EIF2AK4: variants seen among roughly 807,000 people sequenced by gnomAD.
The protein encoded by EIF2AK4 is eukaryotic translation initiation factor 2 alpha kinase 4.
Under a neutral mutation model 211.1 loss-of-function variants are expected in EIF2AK4, and 139 were observed. The observed-to-expected ratio is 0.66, with a 90% CI of 0.57 to 0.76. EIF2AK4 has a LOEUF of 0.76. Ranked by LOEUF, EIF2AK4 falls within the 30% of genes least tolerant of loss-of-function variation. The pLI, the probability that EIF2AK4 is intolerant of heterozygous loss-of-function variation, is 0.00. For missense variants in EIF2AK4, 1,664 were observed against 2,043.8 expected, an observed-to-expected ratio of 0.81 and a Z score of 3.58; for synonymous variants, 710 against 751.3, an observed-to-expected ratio of 0.94 and a Z score of 0.90.
intron 22 of EIF2AK4, 132 bp from the exon 23 acceptor site, chr15:40,003,061 C>A (rs2035113774): frequency 7.4e-7 from 1 of 1,358,788 alleles, no homozygotes; most frequent in South Asian, 1.5e-5. Context: ...ATTTAGAGAA[C>A]TCAAGAAAAA....
intron 7 of EIF2AK4, among the ~76,000 whole-genome samples, chr15:39,964,394 C>T (rs1427855019): frequency 6.6e-6 from 1 of 152,122 alleles, no homozygotes; most frequent in Admixed American, 6.5e-5. Context: ...GGGTTATCAG[C>T]TGGGGGCCAT....
At chr15:40,023,889 C>T (rs1351139432) in intron 32 of EIF2AK4, among the ~76,000 whole-genome samples, 3 of 152,110 alleles carry the variant, frequency 2.0e-5, no homozygotes, top group Admixed American at 1.3e-4. Context: ...ACAAACTACA[C>T]CTTGGACCAA....
chr15:40,034,134 C>A (rs1013805553), intron 37 of EIF2AK4, among the ~76,000 whole-genome samples, 192 bp from the exon 38 acceptor site: 2 of 151,956 alleles, frequency 1.3e-5, no homozygotes, highest in Admixed American at 1.3e-4. Context: ...ATTAGGGAGT[C>A]TTGTTTTAAG....
At chr15:39,995,791 T>C (rs1396278266) in intron 18 of EIF2AK4, among the ~76,000 whole-genome samples, 1 of 152,232 alleles carries the variant, frequency 6.6e-6, no homozygotes, top group Non-Finnish European at 1.5e-5. Flanking sequence ...TATGTTTACA[T>C]TGTGAAATGA....
chr15:39,985,942 G>C (rs1440111837), intron 14 of EIF2AK4, 54 bp downstream of exon 14: 4 of 1,527,852 alleles, frequency 2.6e-6, no homozygotes, highest in Non-Finnish European at 3.6e-6. Flanking sequence ...AGTGGCGGGT[G>C]GGCCTGTTTC....
rs1460409412 is a variant in EIF2AK4 at position 40,003,314 on chromosome 15, G to C, written c.3357G>C (p.Arg1119=). 6.2e-7 allele frequency: 1 copy of C among 1,614,018 alleles called. No homozygotes were observed. Among genetic ancestry groups the C allele is most frequent in the Non-Finnish European group, 8.5e-7 (1 of 1,179,962 alleles). ...TGGTGATGCTTCCTTTTGACCTGCGGGTGAGGCTGGGAACACACTGCTGAC... is the reference window on the plus strand; with the variant it reads ...TGGTGATGCTTCCTTTTGACCTGCGCGTGAGGCTGGGAACACACTGCTGAC... ...GMLVMLPFDL[R]IPFARYVARN... Residue 1119 remains arginine, a splice_region_variant and synonymous_variant, in exon 23 of 39, where the codon CGG becomes CGC. Transcript: ENST00000263791.
intron 23 of EIF2AK4, among the ~76,000 whole-genome samples, chr15:40,004,286 C>T (rs1050475671): frequency 6.6e-6 from 1 of 152,150 alleles, no homozygotes; most frequent in Non-Finnish European, 1.5e-5. Flanking sequence ...GAAAGAAAAA[C>T]ACATCAGTGT....
intron 2 of EIF2AK4, 141 bp from the exon 3 acceptor site, chr15:39,943,242 G>A (rs890846375): frequency 1.5e-5 from 9 of 586,148 alleles, no homozygotes; most frequent in African/African-American, 1.4e-4. Flanking sequence ...CTGTCAACTG[G>A]AGTTGCAGGG....
chr15:39,950,401 T>C (rs1270851133), intron 4 of EIF2AK4, among the ~76,000 whole-genome samples: 1 of 152,090 alleles, frequency 6.6e-6, no homozygotes, highest in East Asian at 1.9e-4. Context: ...GAGACCAGCC[T>C]GGCCAACATG....
At chr15:39,998,807 A>AT (rs773807461) in intron 20 of EIF2AK4, 23 bp downstream of exon 20, 2 of 1,588,102 alleles carry the variant, frequency 1.3e-6, no homozygotes, top group Non-Finnish European at 8.6e-7. Flanking sequence ...TGCGTCAATT[A>AT]CTATGTCTTC....
At chr15:39,983,135 T>C (rs1427336357) in intron 13 of EIF2AK4, among the ~76,000 whole-genome samples, 1 of 152,212 alleles carries the variant, frequency 6.6e-6, no homozygotes, top group Non-Finnish European at 1.5e-5. Context: ...TCTTCCACAA[T>C]GGTTGAACTA....
At chr15:40,020,487 A>C in intron 30 of EIF2AK4, 1 of 142,056 alleles carries the variant, frequency 7.0e-6, no homozygotes. Context: ...TCCCTACTAA[A>C]AAGACCAAAT....
chr15:39,986,355 A>G (rs900420223), intron 14 of EIF2AK4, among the ~76,000 whole-genome samples: 1 of 152,272 alleles, frequency 6.6e-6, no homozygotes, highest in African/African-American at 2.4e-5. Flanking sequence ...GTAAGATATG[A>G]TGTGCACACA....
At chr15:39,969,975 A>G (rs901160853) in intron 9 of EIF2AK4, among the ~76,000 whole-genome samples, 2 of 152,190 alleles carry the variant, frequency 1.3e-5, no homozygotes, top group East Asian at 3.9e-4. Flanking sequence ...CTACTGGCTG[A>G]GTGAATTAAC....
intron 4 of EIF2AK4, among the ~76,000 whole-genome samples, chr15:39,952,222 T>A (rs2034327777): frequency 6.6e-6 from 1 of 152,224 alleles, no homozygotes; most frequent in African/African-American, 2.4e-5. Flanking sequence ...GTATTTAGAC[T>A]TCCCATTCAG....
intron 1 of EIF2AK4, among the ~76,000 whole-genome samples, chr15:39,934,583 C>T (rs887589269): frequency 6.6e-6 from 1 of 152,192 alleles, no homozygotes; most frequent in South Asian, 2.1e-4. Context: ...CTGGATTCCT[C>T]CCTCTTACCT....
chr15:39,989,810 A>G (rs2034917742), intron 15 of EIF2AK4, among the ~76,000 whole-genome samples: 1 of 152,222 alleles, frequency 6.6e-6, no homozygotes, highest in African/African-American at 2.4e-5. Flanking sequence ...GCCAAGTTGA[A>G]CTGTTAGAAT....
At chr15:40,029,943 T>C (rs1567011198) in intron 34 of EIF2AK4, among the ~76,000 whole-genome samples, 1 of 152,220 alleles carries the variant, frequency 6.6e-6, no homozygotes, top group Non-Finnish European at 1.5e-5. Flanking sequence ...AGAAGACATA[T>C]TTGGCTTTTA....
In EIF2AK4 at chr15:39,984,710, G is replaced by A. The variant is rs182287532; in HGVS notation, c.2320-1095G>A. On this transcript the variant is annotated intron_variant, in intron 13 of 38. Coordinates refer to ENST00000263791, the MANE Select transcript of EIF2AK4 (RefSeq NM_001013703.4). ...TTTTTGCACATTGATTTTGTATCCT[G>A]AGACTTTGCTGAAGTTGCTTATCAG... Among the ~76,000 whole-genome samples the A allele has an allele frequency of 1.2e-4, 18 of 152,328 alleles. No individual in the cohort carries two copies. In the East Asian group the frequency reaches 3.5e-3, roughly 29 times the overall value.
Sources: allele counts gnomAD v4.1 joint callset (sites outside exome capture counted in the v4.1 genomes callset), GRCh38; gene constraint gnomAD v4.1.1; transcripts MANE v1.5; gene names NCBI Gene and HGNC (gene_info 2026-07-23, HGNC 2026-07-21).